SPO11: variants seen among roughly 807,000 people sequenced by gnomAD.
SPO11 encodes the protein SPO11 initiator of meiotic double strand breaks, also known as meiotic recombination protein SPO11.
A neutral mutation model predicts 51.6 loss-of-function variants in SPO11; 49 were observed. The observed-to-expected ratio is 0.95, with a 90% confidence interval of 0.75 to 1.20. The LOEUF (loss-of-function observed/expected upper bound fraction) is 1.20, where lower values mean the gene tolerates loss of function less well. Ranked by LOEUF, SPO11 falls within the 50% of genes most tolerant of loss-of-function variation. SPO11 has a pLI of 0.00. For synonymous variants in SPO11, 176 were observed against 158.2 expected, an observed-to-expected ratio of 1.11 and a Z score of -0.84; for missense variants, 431 against 473.4, an observed-to-expected ratio of 0.91 and a Z score of 0.83.
At chr20:57,340,243 C>A in intron 11 of SPO11, 65 bp downstream of exon 11, 2 of 1,058,992 alleles carry the variant, frequency 1.9e-6, no homozygotes, top group Non-Finnish European at 2.9e-6. Flanking sequence ...TAACAATAAG[C>A]CTAAAAAGTC....
intron 11 of SPO11, among the ~76,000 whole-genome samples, chr20:57,342,364 G>C (rs1366291761): frequency 6.6e-6 from 1 of 152,220 alleles, no homozygotes; most frequent in African/African-American, 2.4e-5. Context: ...GTGAAGCTCT[G>C]AGAGGCTTAA....
chr20:57,330,093 G>C, intron 1 of SPO11, 95 bp downstream of exon 1: 2 of 1,437,198 alleles, frequency 1.4e-6, no homozygotes, highest in Non-Finnish European at 1.8e-6. Context: ...TTGAGGCTGA[G>C]GAGGCACCCC....
chr20:57,342,525 A>G (rs1252314685), intron 11 of SPO11, among the ~76,000 whole-genome samples: 1 of 152,216 alleles, frequency 6.6e-6, no homozygotes, highest in East Asian at 1.9e-4. Context: ...CTTACTGTGG[A>G]AACACAAACT....
rs1310819013 is a variant in SPO11 at position 57,333,683 on chromosome 20, C to T, written c.335-4C>T. On this transcript the variant is annotated splice_polypyrimidine_tract_variant and splice_region_variant and intron_variant, in intron 3 of 12. Transcript: ENST00000371263. Reference sequence around the variant, plus strand: ...TAACTTGTTTGTTGAATTTTATTTTCCAGCTCTAATCCTTAAAATATTGTC... The same window carrying T: ...TAACTTGTTTGTTGAATTTTATTTTTCAGCTCTAATCCTTAAAATATTGTC... The T allele has an allele frequency of 6.9e-7, 1 of 1,451,712 alleles. No individual in the cohort carries two copies. The highest frequency in any genetic ancestry group is 9.6e-7 in the Non-Finnish European group (1 of 1,041,772). The allele number at this position is 1,451,712 out of a possible 1,614,324, so 89.9% of individuals were successfully genotyped here.
At chr20:57,332,916 A>G (rs1193813025) in intron 2 of SPO11, among the ~76,000 whole-genome samples, 1 of 152,222 alleles carries the variant, frequency 6.6e-6, no homozygotes, top group East Asian at 1.9e-4. Flanking sequence ...GTATGCACAC[A>G]CACAAACACA....
chr20:57,329,882 T>G lies in SPO11; in HGVS notation c.15T>G (p.Pro5=), dbSNP rs1397651627. The change falls in exon 1 of 13, where the codon CCT becomes CCG. Residue 5 remains proline, a synonymous_variant. Transcript: ENST00000371263. The part of the protein sequence containing the change: MAFA[P]MGPEASFFDV... ...CGTCTGCCCTCATGGCCTTTGCACC[T>G]ATGGGGCCCGAGGCCTCGTTCTTCG... is the stretch of plus-strand genomic sequence containing the variant. 1 of 1,613,672 alleles carries G rather than the reference T, an allele frequency of 6.2e-7. No individual in the cohort carries two copies. Among genetic ancestry groups the G allele is most frequent in the African/African-American group, 1.3e-5 (1 of 75,070 alleles).
Position 57,339,019 on chromosome 20 carries a change from G to T in SPO11, c.875G>T (p.Gly292Val). ...GAAATAATGTGCATCTATAAGTATG[G>T]ATCTATGGTAAGTATAGAAAAGCAG... ...GIEIMCIYKYGSMSMSFEAHH... is the reference protein window; with the variant it reads ...GIEIMCIYKYVSMSMSFEAHH... Residue 292 changes from glycine to valine, a missense_variant, in exon 10 of 13, where the codon GGA becomes GTA. Around this residue, in one of 3 missense-constraint regions of SPO11, gnomAD observed 405 missense variants for 425.9 expected, o/e 0.95. Coordinates refer to ENST00000371263, the MANE Select transcript of SPO11 (RefSeq NM_012444.3). The T allele has an allele frequency of 6.8e-7, 1 of 1,477,158 alleles. No individual in the cohort carries two copies. Among genetic ancestry groups the T allele is most frequent in the South Asian group, 1.2e-5 (1 of 80,092 alleles). The allele number at this position is 1,477,158 out of a possible 1,614,324, so 91.5% of individuals were successfully genotyped here.
intron 1 of SPO11, among the ~76,000 whole-genome samples, chr20:57,330,796 C>G (rs761353366): frequency 1.3e-5 from 2 of 152,102 alleles, no homozygotes; most frequent in Non-Finnish European, 2.9e-5. Flanking sequence ...TGAGGGAGAA[C>G]TTGGGAGAGT....
intron 11 of SPO11, among the ~76,000 whole-genome samples, chr20:57,342,169 TTGTG>T (rs973547446): frequency 6.6e-6 from 1 of 151,354 alleles, no homozygotes. Context: ...AAGAATGTGT[TTGTG>T]TGTGTGTAAA....
chr20:57,335,807 C>T lies in SPO11; in HGVS notation c.644C>T (p.Thr215Ile), dbSNP rs147139080. 1.2e-4 allele frequency: 197 copies of T among 1,601,528 alleles called. No individual in the cohort carries two copies. Among genetic ancestry groups the T allele is most frequent in the Middle Eastern group, 4.9e-4 (3 of 6,062 alleles). The part of the protein sequence containing the change: ...SNIQGIRNLV[T>I]DAKFVLIVEK... ...AGCCTTAACTTCACAGATTTAGTTACAGATGCAAAGTTTGTATTAATTGTA... is the reference window on the plus strand; with the variant it reads ...AGCCTTAACTTCACAGATTTAGTTATAGATGCAAAGTTTGTATTAATTGTA... Residue 215 changes from threonine (T) to isoleucine (I), a missense_variant, in exon 8 of 13, where the codon ACA becomes ATA. By Grantham distance (89) the Thr-to-Ile change is moderately conservative. Transcript: ENST00000371263.
rs925067518 is a variant in SPO11 at position 57,343,614 on chromosome 20, A to C, written c.*154A>C. 34 of 878,854 alleles carry C rather than the reference A, an allele frequency of 3.9e-5. No individual in the cohort carries two copies. The highest frequency in any genetic ancestry group is 5.3e-5 in the Non-Finnish European group (33 of 624,736). 54.4% of individuals were successfully genotyped at this position (878,854 alleles called of 1,614,324 possible). ...GTTAATTATATATTTTTGTCAAAAC[A>C]AATGCTGTACTCCAATTTTCTTTGC... On this transcript the variant is annotated 3_prime_UTR_variant, in exon 13 of 13. Coordinates refer to ENST00000371263, the MANE Select transcript of SPO11 (RefSeq NM_012444.3).
At chr20:57,341,093 CACA>C (rs2146100900) in intron 11 of SPO11, among the ~76,000 whole-genome samples, 1 of 152,132 alleles carries the variant, frequency 6.6e-6, no homozygotes, top group South Asian at 2.1e-4. Flanking sequence ...TTTTTTAAAA[CACA>C]ACAAAATAAT....
intron 7 of SPO11, 81 bp downstream of exon 7, chr20:57,335,536 T>TAATGTGTAA: frequency 1.4e-6 from 2 of 1,416,134 alleles, no homozygotes; most frequent in Non-Finnish European, 2.0e-6. Context: ...CAAGCCTTCA[T>TAATGTGTAA]AATGTGTAAG....
rs769953784 is a variant in SPO11 at position 57,342,735 on chromosome 20, T to C, written c.966T>C (p.Asn322=). The stretch of plus-strand genomic sequence containing the variant: ...TTCACCTACTTTTTTCCAGATTAAA[T>C]GTACCTAAAGATAGTTTGATTCCAC... ...GLLPSDLKRL[N]VPKDSLIPLT... is the part of the protein sequence containing the mutation. Residue 322 remains asparagine (N), a synonymous_variant, in exon 12 of 13, where the codon AAT becomes AAC. Coordinates refer to ENST00000371263, the MANE Select transcript of SPO11 (RefSeq NM_012444.3). 6 of 1,607,012 alleles carry C rather than the reference T, an allele frequency of 3.7e-6. No homozygotes were observed. The highest frequency in any genetic ancestry group is 5.1e-6 in the Non-Finnish European group (6 of 1,175,224).
chr20:57,331,722 TAAAA>T, intron 1 of SPO11, 107 bp from the exon 2 acceptor site: 1 of 542,928 alleles, frequency 1.8e-6, no homozygotes. Flanking sequence ...TACCTAGTCT[TAAAA>T]AAGAATAAAA....
chr20:57,342,260 G>T (rs893660043), intron 11 of SPO11, among the ~76,000 whole-genome samples: 5 of 152,128 alleles, frequency 3.3e-5, no homozygotes, highest in Admixed American at 6.6e-5. Flanking sequence ...ATCTTCAAAT[G>T]AATTATGAAG....
chr20:57,343,771 A>G lies in SPO11; in HGVS notation c.*311A>G, dbSNP rs1273492402. On this transcript the variant is annotated 3_prime_UTR_variant, in exon 13 of 13. Coordinates refer to ENST00000371263, the MANE Select transcript of SPO11 (RefSeq NM_012444.3). Reference sequence around the variant, plus strand: ...TATTTTATACATGTCATCAAAGTCTACAAAATATTTACCTTCTACGATACA... The same window carrying G: ...TATTTTATACATGTCATCAAAGTCTGCAAAATATTTACCTTCTACGATACA... 1 of 168,128 alleles carries G rather than the reference A, an allele frequency of 5.9e-6. No individual in the cohort carries two copies. Among genetic ancestry groups the G allele is most frequent in the African/African-American group, 2.4e-5 (1 of 41,476 alleles). 10.4% of individuals were successfully genotyped at this position (168,128 alleles called of 1,614,324 possible). A position where few individuals can be genotyped will look rare whatever the true frequency, so the allele number is the denominator to read the frequency against.
Position 57,331,928 on chromosome 20 carries a change from C to G in SPO11, c.227C>G (p.Ser76Ter). Residue 76 changes from serine to a stop codon, truncating the protein, a stop_gained, in exon 2 of 13, where the codon TCA (serine) becomes TGA (stop). Transcript: ENST00000371263. LOFTEE classifies it high-confidence loss of function. Reference sequence around the variant, plus strand: ...CCTGCATTCACGATAGACAACAGATCAAGCTGGGAAAACATAAAGTGGGCA... The same window carrying G: ...CCTGCATTCACGATAGACAACAGATGAAGCTGGGAAAACATAAAGTGGGCA... ...EAPAFTIDNR[S>*]SWENIKFEDS... The G allele has an allele frequency of 1.3e-6, 2 of 1,590,586 alleles. No individual in the cohort carries two copies. Among genetic ancestry groups the G allele is most frequent in the African/African-American group, 1.3e-5 (1 of 74,124 alleles).
Position 57,339,027 on chromosome 20 carries a change from G to A in SPO11, c.882+1G>A. On this transcript the variant is annotated splice_donor_variant, in intron 10 of 12. Coordinates refer to ENST00000371263, the MANE Select transcript of SPO11 (RefSeq NM_012444.3). LOFTEE classifies it high-confidence loss of function. ...GTGCATCTATAAGTATGGATCTATG[G>A]TAAGTATAGAAAAGCAGTTTTCCTT... The A allele has an allele frequency of 1.4e-6, 2 of 1,468,504 alleles. No individual in the cohort carries two copies. Among genetic ancestry groups the A allele is most frequent in the Non-Finnish European group, 1.8e-6 (2 of 1,081,326 alleles). The allele number at this position is 1,468,504 out of a possible 1,614,324, so 91.0% of individuals were successfully genotyped here. A position where few individuals can be genotyped will look rare whatever the true frequency, so the allele number is the denominator to read the frequency against.
Sources: gnomAD v4.1 joint callset for allele counts (sites outside exome capture counted in the v4.1 genomes callset) on GRCh38, gnomAD v4.1.1 for gene constraint, gnomAD v4.1.1 regional missense constraint, MANE v1.5 for transcripts, NCBI Gene and HGNC (gene_info 2026-07-23, HGNC 2026-07-21) for gene names.